The following C14orf39 variants were observed in gnomAD, a reference collection of about 807,000 sequenced individuals.
The protein encoded by C14orf39 is protein SIX6OS1.
A neutral mutation model predicts 85.6 loss-of-function variants in C14orf39; 66 were observed. The ratio of observed to expected loss-of-function variants is 0.77; its 90% CI spans 0.63 to 0.95. C14orf39 has a LOEUF of 0.95. C14orf39 is among the 40% of genes least tolerant of loss of function. The pLI, the probability that C14orf39 is intolerant of heterozygous loss-of-function variation, is 0.00. For synonymous variants in C14orf39, 242 were observed against 214.0 expected, an observed-to-expected ratio of 1.13 and a Z score of -1.14; for missense variants, 735 against 663.9, an observed-to-expected ratio of 1.11 and a Z score of -1.18.
chr14:60,460,758 C>T (rs1891485828), intron 13 of C14orf39, among the ~76,000 whole-genome samples: 1 of 151,514 alleles, frequency 6.6e-6, no homozygotes, highest in Non-Finnish European at 1.5e-5. Context: ...AGCTAGATGA[C>T]TTGGGGATGA....
intron 1 of C14orf39, among the ~76,000 whole-genome samples, chr14:60,513,006 G>A (rs1893315882): frequency 6.6e-6 from 1 of 152,210 alleles, no homozygotes; most frequent in Admixed American, 6.5e-5. Flanking sequence ...AATAAGTGAA[G>A]TCATGGAAGA....
rs753530432 is a variant in C14orf39, at chr14:60,509,474, G to A, written c.-144+5921C>T. On this transcript the variant is annotated intron_variant, in intron 1 of 5. Transcript: ENST00000556799. ...ATGTGAGACCCTGGAAGAGAGCGGC[G>A]ATGTGGAGCGCCTGGGTCGCTTCCT... 5 of 1,601,058 alleles carry A rather than the reference G, an allele frequency of 3.1e-6. No homozygotes were observed. Among genetic ancestry groups the A allele is most frequent in the South Asian group, 2.2e-5 (2 of 91,072 alleles).
At chr14:60,474,825 G>A (rs1363633870) in intron 5 of C14orf39, among the ~76,000 whole-genome samples, 3 of 152,048 alleles carry the variant, frequency 2.0e-5, no homozygotes, top group Non-Finnish European at 4.4e-5. Context: ...GAGGATTTTT[G>A]CAGGGATGTT....
intron 13 of C14orf39, 118 bp downstream of exon 13, chr14:60,461,236 C>A: frequency 1.4e-6 from 1 of 722,536 alleles, no homozygotes; most frequent in Non-Finnish European, 2.3e-6. Flanking sequence ...TAAAGCCAGG[C>A]GTGCATGGTC....
Position 60,467,022 on chromosome 14 carries a change from C to T in C14orf39, c.790G>A (p.Val264Ile). 7.2e-7 allele frequency: 1 copy of T among 1,381,468 alleles called. No homozygotes were observed. 85.6% of individuals were successfully genotyped at this position (1,381,468 alleles called of 1,614,324 possible). The change falls in exon 10 of 18, where the codon GTA becomes ATA. Residue 264 changes from valine to isoleucine, a missense_variant. Transcript: ENST00000321731. ...KERIFGKDEH[V>I]LTLNKTQSSQ... Reference sequence around the variant, plus strand: ...CTTTGAGTTTTATTCAATGTAAGTACATGCTCATCTTTTCCAAAAATTCTA... The same window carrying T: ...CTTTGAGTTTTATTCAATGTAAGTATATGCTCATCTTTTCCAAAAATTCTA...
intron 16 of C14orf39, among the ~76,000 whole-genome samples, chr14:60,454,727 C>T (rs1891190251): frequency 6.6e-6 from 1 of 151,930 alleles, no homozygotes; most frequent in South Asian, 2.1e-4. Context: ...GACACATTAA[C>T]TATAAAGTCA....
intron 1 of C14orf39, among the ~76,000 whole-genome samples, chr14:60,508,376 G>A (rs1203505818): frequency 6.6e-6 from 1 of 152,176 alleles, no homozygotes; most frequent in East Asian, 1.9e-4. Context: ...TTAAACTGGG[G>A]GAGGGGGAGA....
rs533849749 is a variant in C14orf39, at chr14:60,470,708, C to A, written c.554+709G>T. On this transcript the variant is annotated intron_variant, in intron 7 of 17. Coordinates refer to ENST00000321731, the MANE Select transcript of C14orf39 (RefSeq NM_174978.3). ...ACCAAAACATGGAAAAAGCTAGCAG[C>A]AGAAGAGTTAAAAGGATGGTTTAGA... 5.3e-5 allele frequency among the ~76,000 whole-genome samples: 8 copies of A among 151,758 alleles called. No homozygotes were observed. In the East Asian group the frequency reaches 1.2e-3, roughly 22 times the overall value.
chr14:60,453,485 C>CT (rs76205674), intron 16 of C14orf39, among the ~76,000 whole-genome samples: 570 of 144,174 alleles, frequency 4.0e-3, no homozygotes, highest in Middle Eastern at 0.011. Context: ...TTGGGTCTTG[C>CT]TTTTTTTTTT....
At chr14:60,482,707 A>G (rs183652696) in intron 4 of C14orf39, among the ~76,000 whole-genome samples, 3 of 152,230 alleles carry the variant, frequency 2.0e-5, no homozygotes, top group African/African-American at 4.8e-5. Flanking sequence ...GGAATGGCTA[A>G]ATAACAGGCT....
chr14:60,509,901 C>A (rs1893264549), intron 1 of C14orf39: 1 of 1,612,660 alleles, frequency 6.2e-7, no homozygotes, highest in East Asian at 2.2e-5. Flanking sequence ...ACCGGACTGA[C>A]CCCTACGCAG....
chr14:60,474,616 G>A (rs966970036), intron 5 of C14orf39, among the ~76,000 whole-genome samples: 9 of 152,164 alleles, frequency 5.9e-5, no homozygotes, highest in Non-Finnish European at 1.2e-4. Context: ...ATGAAGCGTT[G>A]TTGAATTTTA....
rs932529269 is a variant in C14orf39 at position 60,465,252 on chromosome 14, T to A, written c.972+727A>T. 2.0e-5 allele frequency among the ~76,000 whole-genome samples: 3 copies of A among 152,198 alleles called. No individual in the cohort carries two copies. The East Asian group carries it at 5.8e-4, about 29-fold the overall frequency. On this transcript the variant is annotated intron_variant, in intron 11 of 17. Transcript: ENST00000321731. ...TTACACTTGAGTTTCACTAATTACT[T>A]TGGTCACCACTACCAGTGGAAGAAC...
upstream of C14orf39, among the ~76,000 whole-genome samples, chr14:60,488,980 C>T (rs1892944848): frequency 6.6e-6 from 1 of 152,076 alleles, no homozygotes; most frequent in African/African-American, 2.4e-5. Flanking sequence ...CTCACCATCA[C>T]CATGGACTCT....
At chr14:60,455,773 A>G (rs1428017861) in intron 15 of C14orf39, among the ~76,000 whole-genome samples, 1 of 152,122 alleles carries the variant, frequency 6.6e-6, no homozygotes, top group East Asian at 1.9e-4. Flanking sequence ...AATAAGGATA[A>G]TAATGTACCT....
chr14:60,510,988 C>A, intron 1 of C14orf39: 1 of 1,330,522 alleles, frequency 7.5e-7, no homozygotes, highest in South Asian at 1.3e-5. Context: ...GGAAGAACCT[C>A]TAGCCGCCGG....
chr14:60,473,068 T>C (rs1258165115), intron 5 of C14orf39, among the ~76,000 whole-genome samples: 1 of 152,186 alleles, frequency 6.6e-6, no homozygotes, highest in Non-Finnish European at 1.5e-5. Context: ...CAGCACCTGT[T>C]GTTTCCTGAC....
intron 1 of C14orf39, chr14:60,511,360 C>A: frequency 7.6e-7 from 1 of 1,320,594 alleles, no homozygotes; most frequent in Non-Finnish European, 1.1e-6. Context: ...CCACAGAAGC[C>A]AGGTGACCAG....
chr14:60,483,985 C>A lies in C14orf39; in HGVS notation c.107-168G>T, dbSNP rs942679764. 2.0e-5 allele frequency among the ~76,000 whole-genome samples: 3 copies of A among 152,228 alleles called. 1 individual carries two copies. The highest frequency in any genetic ancestry group is 4.8e-5 in the African/African-American group (2 of 41,556). ...GACCGTATACTAAAATGCAGAGAAC[C>A]AGGGCCAGGCCTGATCCTAGAGCCA... On this transcript the variant is annotated intron_variant, in intron 3 of 17. Coordinates refer to ENST00000321731, the MANE Select transcript of C14orf39 (RefSeq NM_174978.3).
Sources: gnomAD v4.1 joint callset for allele counts (sites outside exome capture counted in the v4.1 genomes callset) on GRCh38, gnomAD v4.1.1 for gene constraint, MANE v1.5 for transcripts, NCBI Gene and HGNC (gene_info 2026-07-23, HGNC 2026-07-21) for gene names.